Variants in HIVEP3 observed in about 807,000 individuals in gnomAD.
HIVEP3 encodes the protein HIVEP zinc finger 3, also known as transcription factor HIVEP3.
A neutral mutation model predicts 152.8 loss-of-function variants in HIVEP3; 49 were observed. That is an observed-to-expected ratio of 0.32 (90% CI 0.26 to 0.41). HIVEP3 has a LOEUF of 0.41. HIVEP3 is among the 10% of genes least tolerant of loss of function. The probability of loss-of-function intolerance (pLI) is 1.00; values close to 1 mark genes in which losing one functional copy is unlikely to be tolerated. For synonymous variants in HIVEP3, 1,269 were observed against 1,289.0 expected, an observed-to-expected ratio of 0.98 and a Z score of 0.33; for missense variants, 2,790 against 3,103.3, an observed-to-expected ratio of 0.90 and a Z score of 2.40.
Position 41,902,510 on chromosome 1 carries a change from C to T in HIVEP3, c.-801+15903G>A, listed in dbSNP as rs1021903981. On this transcript the variant is annotated intron_variant, in intron 1 of 8. Coordinates refer to ENST00000372583, the MANE Select transcript of HIVEP3 (RefSeq NM_024503.5). ...AGGTGGCTGACCTTTCATATTCCCACCCTAATTAATATTGGCTACAGACTG... is the reference window on the plus strand; with the variant it reads ...AGGTGGCTGACCTTTCATATTCCCATCCTAATTAATATTGGCTACAGACTG... Among the ~76,000 whole-genome samples the T allele has an allele frequency of 5.9e-5, 9 of 152,308 alleles. No homozygotes were observed. In the East Asian group the frequency reaches 1.3e-3, roughly 23 times the overall value.
chr1:41,693,123 T>C (rs1408332302), intron 2 of HIVEP3, among the ~76,000 whole-genome samples: 1 of 152,182 alleles, frequency 6.6e-6, no homozygotes, highest in Non-Finnish European at 1.5e-5. Context: ...AAACAAGGTC[T>C]CTCTGATCTC....
At chr1:41,714,759 T>G (rs969692886) in intron 1 of HIVEP3, among the ~76,000 whole-genome samples, 2 of 152,184 alleles carry the variant, frequency 1.3e-5, no homozygotes, top group Admixed American at 6.5e-5. Context: ...CTGAAAAAAT[T>G]AACTGCTATA....
intron 5 of HIVEP3, among the ~76,000 whole-genome samples, chr1:41,551,337 C>CT (rs34807984): frequency 0.76 from 114,500 of 150,706 alleles, 45,066 homozygotes; most frequent in Non-Finnish European, 0.88. Context: ...CTAAAATTCT[C>CT]TTTTTTTTTG....
chr1:42,025,632 G>A (rs574197033), intron 1 of HIVEP3, among the ~76,000 whole-genome samples: 6 of 152,298 alleles, frequency 3.9e-5, no homozygotes, highest in East Asian at 3.9e-4. Context: ...GCCCTCCTCC[G>A]GAGATTCATC....
At position 41,879,887 on chromosome 1, in the gene HIVEP3, T is replaced by G. The variant is rs576493737; in HGVS notation, c.-801+38526A>C. ...AAGAAACAGGCAAGGCCAAGAAAAA[T>G]AGCCAACTCACATAGAGCTCTTCTT... On this transcript the variant is annotated intron_variant, in intron 1 of 8. Transcript: ENST00000372583. Among the ~76,000 whole-genome samples, 572 of 152,174 alleles carry G rather than the reference T, an allele frequency of 3.8e-3. 4 individuals carry two copies. Among genetic ancestry groups the G allele is most frequent in the African/African-American group, 0.013 (545 of 41,516 alleles).
intron 5 of HIVEP3, among the ~76,000 whole-genome samples, chr1:41,572,730 T>A (rs1345538726): frequency 6.6e-6 from 1 of 152,218 alleles, no homozygotes; most frequent in East Asian, 1.9e-4. Flanking sequence ...TTAAGGCAAG[T>A]TTAATTAGAG....
intron 1 of HIVEP3, among the ~76,000 whole-genome samples, chr1:41,813,257 C>T (rs140188453): frequency 2.0e-3 from 302 of 152,238 alleles, no homozygotes; most frequent in African/African-American, 6.9e-3. Flanking sequence ...AGTCATGCAG[C>T]CCCCCATCAC....
chr1:41,865,166 G>C (rs772908773), intron 1 of HIVEP3, among the ~76,000 whole-genome samples: 36 of 152,154 alleles, frequency 2.4e-4, no homozygotes, highest in Non-Finnish European at 4.3e-4. Flanking sequence ...CAAAATTAAA[G>C]CCCTTCCTCA....
intron 1 of HIVEP3, among the ~76,000 whole-genome samples, chr1:41,750,599 G>A (rs1251080420): frequency 1.3e-5 from 2 of 152,134 alleles, no homozygotes; most frequent in South Asian, 2.1e-4. Context: ...ATATTCATTA[G>A]CTTGTAGGCT....
intron 1 of HIVEP3, among the ~76,000 whole-genome samples, chr1:41,957,541 G>A (rs557166280): frequency 6.6e-6 from 1 of 152,324 alleles, no homozygotes; most frequent in Non-Finnish European, 1.5e-5. Context: ...AAGCATCTGG[G>A]AGAACATCAT....
intron 1 of HIVEP3, among the ~76,000 whole-genome samples, chr1:41,791,877 A>T (rs368108730): frequency 6.6e-6 from 1 of 151,770 alleles, no homozygotes; most frequent in East Asian, 1.9e-4. Context: ...AGTTTCCTCA[A>T]TGCATCATGC....
At chr1:41,842,003 G>T (rs1386687276) in intron 1 of HIVEP3, among the ~76,000 whole-genome samples, 2 of 152,046 alleles carry the variant, frequency 1.3e-5, no homozygotes, top group Non-Finnish European at 2.9e-5. Context: ...TGAGGCAGGA[G>T]AATTGCTTGA....
At chr1:41,926,000 T>C (rs1644966509) in intron 1 of HIVEP3, among the ~76,000 whole-genome samples, 1 of 152,138 alleles carries the variant, frequency 6.6e-6, no homozygotes, top group Admixed American at 6.5e-5. Flanking sequence ...TCCCTTCCTT[T>C]TTCCTTTTGC....
intron 1 of HIVEP3, among the ~76,000 whole-genome samples, chr1:42,008,360 A>G (rs1645472855): frequency 6.6e-6 from 1 of 152,240 alleles, no homozygotes; most frequent in African/African-American, 2.4e-5. Flanking sequence ...GTTCCCAAGA[A>G]GAAAAAAAGA....
At chr1:41,974,847 C>T (rs571820233) in intron 1 of HIVEP3, among the ~76,000 whole-genome samples, 1 of 150,006 alleles carries the variant, frequency 6.7e-6, no homozygotes, top group African/African-American at 2.4e-5. Flanking sequence ...CAGCGGTTGG[C>T]TCCACACAAA....
chr1:42,007,028 ATG>A, intron 1 of HIVEP3, among the ~76,000 whole-genome samples: 1 of 152,230 alleles, frequency 6.6e-6, no homozygotes, highest in Non-Finnish European at 1.5e-5. Context: ...ATTGGACTAT[ATG>A]TGTTTCCACG....
rs141180705 is a variant in HIVEP3, at chr1:42,008,091, G to A, written n.119+27716C>T. On this transcript the variant is annotated intron_variant and non_coding_transcript_variant, in intron 1 of 3. Coordinates refer to the HIVEP3 transcript ENST00000489103. The stretch of plus-strand genomic sequence containing the variant: ...TCTGTTATTGTATTTTCCATGCTTT[G>A]TTTTTAAATTGACTCTAAAACATAA... 6.0e-4 allele frequency among the ~76,000 whole-genome samples: 92 copies of A among 152,120 alleles called. 1 individual carries two copies. The East Asian group carries it at 0.015, about 26-fold the overall frequency.
At chr1:41,760,244 C>G (rs1254846790) in intron 1 of HIVEP3, among the ~76,000 whole-genome samples, 1 of 152,180 alleles carries the variant, frequency 6.6e-6, no homozygotes, top group Non-Finnish European at 1.5e-5. Flanking sequence ...TTAAAACAGT[C>G]AATTCATGGA....
intron 5 of HIVEP3, among the ~76,000 whole-genome samples, chr1:41,568,956 A>G (rs4660548): frequency 0.69 from 105,029 of 152,004 alleles, 37,151 homozygotes; most frequent in Non-Finnish European, 0.78. Context: ...CCCTCTTCAT[A>G]CTGTCGTCAC....
Sources: allele counts gnomAD v4.1 joint callset (sites outside exome capture counted in the v4.1 genomes callset), GRCh38; gene constraint gnomAD v4.1.1; transcripts MANE v1.5; gene names NCBI Gene and HGNC (gene_info 2026-07-23, HGNC 2026-07-21).